The following PTK2B variants were observed in gnomAD, a reference collection of about 807,000 sequenced individuals.
PTK2B encodes protein-tyrosine kinase 2-beta.
Under a neutral mutation model 142.9 loss-of-function variants are expected in PTK2B, and 71 were observed. The ratio of observed to expected loss-of-function variants is 0.50; its 90% confidence interval spans 0.41 to 0.61. The LOEUF (loss-of-function observed/expected upper bound fraction) is 0.61, where lower values mean the gene tolerates loss of function less well. Among genes scored for constraint, PTK2B ranks in the 20% least tolerant of loss-of-function variants. PTK2B has a pLI of 0.00. For synonymous variants in PTK2B, 519 were observed against 503.4 expected, an observed-to-expected ratio of 1.03 and a Z score of -0.42; for missense variants, 1,105 against 1,320.4, an observed-to-expected ratio of 0.84 and a Z score of 2.53.
At chr8:27,324,738 T>C (rs1424897466), upstream of PTK2B, among the ~76,000 whole-genome samples, 1 of 152,134 alleles carries the variant, frequency 6.6e-6, no homozygotes, top group Non-Finnish European at 1.5e-5. Context: ...GAGAGGACAT[T>C]GTAGGATGAG....
chr8:27,433,905 G>T (rs1810602074), intron 11 of PTK2B, among the ~76,000 whole-genome samples, 188 bp from the exon 12 acceptor site: 1 of 152,224 alleles, frequency 6.6e-6, no homozygotes, highest in Non-Finnish European at 1.5e-5. Context: ...GTGAAATCTG[G>T]CCTGAGGCAG....
chr8:27,415,896 TAGAG>T (rs146946548), intron 2 of PTK2B, among the ~76,000 whole-genome samples: 2,084 of 152,260 alleles, frequency 0.014, 61 homozygotes, highest in African/African-American at 0.049. Context: ...CCTAAATAAA[TAGAG>T]AGATATGCCA....
intron 1 of PTK2B, among the ~76,000 whole-genome samples, chr8:27,327,202 C>T (rs1325202499): frequency 6.6e-6 from 1 of 152,074 alleles, no homozygotes; most frequent in Non-Finnish European, 1.5e-5. Flanking sequence ...GAACCTAGAG[C>T]GTGCAGGGGC....
intron 2 of PTK2B, among the ~76,000 whole-genome samples, chr8:27,410,715 C>G (rs1047098208): frequency 1.3e-5 from 2 of 152,220 alleles, no homozygotes; most frequent in African/African-American, 4.8e-5. Context: ...GTAATTAATT[C>G]ATTCAACCAC....
chr8:27,317,879 A>G (rs999879882), intron 3 of PTK2B, among the ~76,000 whole-genome samples: 1 of 152,232 alleles, frequency 6.6e-6, no homozygotes, highest in Non-Finnish European at 1.5e-5. Flanking sequence ...TAGACAGCCA[A>G]CTTGGCAACT....
chr8:27,437,356 G>T, intron 16 of PTK2B, 40 bp from the exon 17 acceptor site: 1 of 1,587,522 alleles, frequency 6.3e-7, no homozygotes, highest in South Asian at 1.1e-5. Context: ...TTGGACCTTT[G>T]AGCCGCTCCA....
chr8:27,341,609 C>A (rs1259972588), intron 1 of PTK2B, among the ~76,000 whole-genome samples: 1 of 152,184 alleles, frequency 6.6e-6, no homozygotes. Flanking sequence ...CTTGGACTCA[C>A]TGCAGCCCTT....
intron 5 of PTK2B, among the ~76,000 whole-genome samples, chr8:27,424,566 G>A (rs899632972): frequency 2.0e-5 from 3 of 152,202 alleles, no homozygotes; most frequent in Non-Finnish European, 4.4e-5. Context: ...ATATCAGGGA[G>A]AGGATATGGA....
At chr8:27,445,193 G>T (rs1218148550) in intron 23 of PTK2B, among the ~76,000 whole-genome samples, 1 of 152,108 alleles carries the variant, frequency 6.6e-6, no homozygotes, top group Non-Finnish European at 1.5e-5. Context: ...AATATAGTGA[G>T]ACCCCATCTC....
intron 21 of PTK2B, among the ~76,000 whole-genome samples, chr8:27,441,873 C>T (rs1811176751): frequency 6.6e-6 from 1 of 151,862 alleles, no homozygotes; most frequent in Non-Finnish European, 1.5e-5. Context: ...AGGTGTCTCT[C>T]CTGGGCTGAG....
At chr8:27,345,311 A>G (rs1167824705) in intron 1 of PTK2B, among the ~76,000 whole-genome samples, 1 of 152,224 alleles carries the variant, frequency 6.6e-6, no homozygotes, top group Non-Finnish European at 1.5e-5. Flanking sequence ...TCTAACTGCA[A>G]TGATTTAGTG....
intron 2 of PTK2B, among the ~76,000 whole-genome samples, chr8:27,418,283 C>T (rs78238485): frequency 0.025 from 3,816 of 152,240 alleles, 172 homozygotes; most frequent in African/African-American, 0.087. Context: ...GCAGTTAGCC[C>T]GAGACAGATG....
Position 27,397,649 on chromosome 8 carries a change from C to CT in PTK2B, c.66dup (p.Ala23CysfsTer25). 1 of 1,614,262 alleles carries CT rather than the reference C, an allele frequency of 6.2e-7. No homozygotes were observed. Among genetic ancestry groups the CT allele is most frequent in the South Asian group, 1.1e-5 (1 of 91,092 alleles). On this transcript the variant is annotated frameshift_variant, in exon 2 of 31. Transcript: ENST00000346049. LOFTEE classifies it high-confidence loss of function. ...GGCACGTTACGCCGGCCTGAAGGCC[C>CT]TGCAGAGCCCATGGTGGTGGTACCA...
intron 1 of PTK2B, among the ~76,000 whole-genome samples, chr8:27,334,717 GAGCC>G (rs1803953619): frequency 6.6e-6 from 1 of 152,136 alleles, no homozygotes; most frequent in Admixed American, 6.5e-5. Flanking sequence ...CACACGGAGT[GAGCC>G]AGACAGCGCT....
chr8:27,335,523 C>T (rs1804003747), intron 1 of PTK2B, among the ~76,000 whole-genome samples: 1 of 146,896 alleles, frequency 6.8e-6, no homozygotes, highest in Admixed American at 7.0e-5. Flanking sequence ...ACCCAGTAGG[C>T]GGAGGTTGCA....
At chr8:27,393,635 A>G (rs1333323935) in intron 1 of PTK2B, among the ~76,000 whole-genome samples, 1 of 152,164 alleles carries the variant, frequency 6.6e-6, no homozygotes, top group Admixed American at 6.5e-5. Context: ...GAGGACAACT[A>G]TCAGGGTGTG....
upstream of PTK2B, among the ~76,000 whole-genome samples, chr8:27,321,150 A>G (rs1415810678): frequency 6.6e-6 from 1 of 151,938 alleles, no homozygotes; most frequent in Non-Finnish European, 1.5e-5. Context: ...GCATACCACC[A>G]TGCCCAGCTA....
At chr8:27,425,700 A>G (rs1396150256) in intron 5 of PTK2B, among the ~76,000 whole-genome samples, 1 of 152,222 alleles carries the variant, frequency 6.6e-6, no homozygotes, top group Admixed American at 6.5e-5. Flanking sequence ...GGCTAAATGA[A>G]TAATGACCTA....
intron 1 of PTK2B, among the ~76,000 whole-genome samples, chr8:27,332,576 CA>C (rs1390881191): frequency 6.6e-6 from 1 of 151,376 alleles, no homozygotes. Context: ...TTTCTTCCCC[CA>C]ATTTTTTTTT....
Sources: gnomAD v4.1 joint callset for allele counts (sites outside exome capture counted in the v4.1 genomes callset) on GRCh38, gnomAD v4.1.1 for gene constraint, MANE v1.5 for transcripts, NCBI Gene and HGNC (gene_info 2026-07-23, HGNC 2026-07-21) for gene names.